Variants in DAPK2 observed in about 807,000 individuals in gnomAD.
DAPK2 encodes the protein death associated protein kinase 2.
DAPK2 carries 35 observed loss-of-function variants against 44.1 expected under a neutral mutation model. That is an observed-to-expected ratio of 0.79 (90% CI 0.61 to 1.05). The LOEUF (loss-of-function observed/expected upper bound fraction) is 1.05, where lower values mean the gene tolerates loss of function less well. DAPK2 is among the 50% of genes least tolerant of loss of function. DAPK2 has a pLI of 0.00. For synonymous variants in DAPK2, 174 were observed against 182.6 expected, an observed-to-expected ratio of 0.95 and a Z score of 0.38; for missense variants, 453 against 483.2, an observed-to-expected ratio of 0.94 and a Z score of 0.59.
intron 3 of DAPK2, among the ~76,000 whole-genome samples, chr15:63,962,189 C>A (rs145389010): frequency 0.026 from 4,024 of 152,290 alleles, 102 homozygotes; most frequent in South Asian, 0.12. Flanking sequence ...GTTTTCAGCT[C>A]CATCAGGTCA....
chr15:64,034,730 A>C (rs926012092), intron 1 of DAPK2, among the ~76,000 whole-genome samples: 1 of 152,172 alleles, frequency 6.6e-6, no homozygotes, highest in Non-Finnish European at 1.5e-5. Flanking sequence ...ACTTCCTCCA[A>C]TGCTTGTTTA....
chr15:64,024,677 C>T (rs2079786201), intron 1 of DAPK2, among the ~76,000 whole-genome samples: 1 of 152,170 alleles, frequency 6.6e-6, no homozygotes, highest in Non-Finnish European at 1.5e-5. Context: ...CTGCCTGGGT[C>T]TCTCCACTGC....
intron 1 of DAPK2, among the ~76,000 whole-genome samples, chr15:64,045,981 C>T (rs1438889816): frequency 6.6e-6 from 1 of 152,222 alleles, no homozygotes; most frequent in African/African-American, 2.4e-5. Flanking sequence ...CTGCCCGTTC[C>T]AGGGGGCCTA....
Position 63,939,418 on chromosome 15 carries a change from G to A in DAPK2, c.454-57C>T, listed in dbSNP as rs889525456. 25 of 1,528,250 alleles carry A rather than the reference G, an allele frequency of 1.6e-5. No individual in the cohort carries two copies. The highest frequency in any genetic ancestry group is 6.1e-5 in the South Asian group (5 of 81,826). The allele number at this position is 1,528,250 out of a possible 1,614,324, so 94.7% of individuals were successfully genotyped here. A position where few individuals can be genotyped will look rare whatever the true frequency, so the allele number is the denominator to read the frequency against. The stretch of plus-strand genomic sequence containing the variant: ...GAAGGAAGAAAAGAAAAAAAAAGAC[G>A]GTAATTAAAGGCTGGTTGGTTCGTG... On this transcript the variant is annotated intron_variant, in intron 3 of 10. Coordinates refer to ENST00000261891, the Ensembl canonical transcript of DAPK2. This position sits in a 1 kb window ranked among gnomAD's most constrained non-coding sequence, Gnocchi z 4.3.
chr15:63,910,470 G>A (rs1050182873), intron 10 of DAPK2, among the ~76,000 whole-genome samples: 1 of 152,240 alleles, frequency 6.6e-6, no homozygotes, highest in Non-Finnish European at 1.5e-5. Context: ...TAAGCGGGGG[G>A]AGGGGCTGTC....
intron 1 of DAPK2, among the ~76,000 whole-genome samples, chr15:63,986,652 G>A (rs551301273): frequency 4.6e-5 from 7 of 152,136 alleles, no homozygotes; most frequent in Non-Finnish European, 7.3e-5. Flanking sequence ...AGCCAGATGT[G>A]AAAATAGCTC....
intron 3 of DAPK2, 152 bp downstream of exon 4, chr15:63,971,271 G>A (rs771458221): frequency 5.2e-5 from 50 of 954,896 alleles, no homozygotes; most frequent in Admixed American, 1.2e-4. Context: ...GGACATTTCC[G>A]TGGCATCATC....
Position 63,929,811 on chromosome 15 carries a change from T to A in DAPK2, c.633-234A>T, listed in dbSNP as rs993412002. 7.5e-6 allele frequency: 5 copies of A among 666,648 alleles called. No individual in the cohort carries two copies. The East Asian group carries it at 1.5e-4, about 19-fold the overall frequency. The allele number at this position is 666,648 out of a possible 1,614,324, so 41.3% of individuals were successfully genotyped here. ...CGAAGACCCAAGTTCAAGATCAGAC[T>A]CCTGCACTTGCAGGCTGTGTGATTT... is the stretch of plus-strand genomic sequence containing the variant. On this transcript the variant is annotated intron_variant, in intron 5 of 10. Transcript: ENST00000261891.
At chr15:64,025,855 G>T (rs2079825138) in intron 1 of DAPK2, among the ~76,000 whole-genome samples, 1 of 152,124 alleles carries the variant, frequency 6.6e-6, no homozygotes, top group African/African-American at 2.4e-5. Context: ...ATATTGCGGG[G>T]GATGGATAAC....
chr15:64,037,865 C>T (rs1356600205), intron 1 of DAPK2, among the ~76,000 whole-genome samples: 2 of 152,150 alleles, frequency 1.3e-5, no homozygotes, highest in African/African-American at 2.4e-5. Flanking sequence ...AGGCCCCTGG[C>T]CCCTAGTCCC....
chr15:63,981,739 G>A (rs995042714), intron 2 of DAPK2, among the ~76,000 whole-genome samples: 1 of 151,968 alleles, frequency 6.6e-6, no homozygotes, highest in Non-Finnish European at 1.5e-5. Context: ...TCTCTGCTGG[G>A]AATCAGGATG....
intron 1 of DAPK2, among the ~76,000 whole-genome samples, chr15:64,027,735 T>A (rs979746187): frequency 2.6e-5 from 4 of 152,040 alleles, no homozygotes; most frequent in African/African-American, 9.7e-5. Context: ...CTAACAAAAA[T>A]ACACAAAAAC....
rs111519003 is a variant in DAPK2 at position 64,024,228 on chromosome 15, G to C, written c.92+15942C>G. On this transcript the variant is annotated intron_variant, in intron 1 of 10. Transcript: ENST00000261891. ...CCTTCAACCAGTCTCAGTGGCAAGG[G>C]AGGGACTCAGAAATGGGCCAGGGTC... 2.7e-3 allele frequency among the ~76,000 whole-genome samples: 406 copies of C among 152,292 alleles called. 1 individual carries two copies. Among genetic ancestry groups the C allele is most frequent in the African/African-American group, 9.3e-3 (385 of 41,572 alleles).
Position 63,983,762 on chromosome 15 carries a change from GAC to G in DAPK2, c.93-10_93-9del, listed in dbSNP as rs1333829356. ...ACGATGGCAAACTGGCCACTGTGGG[GAC>G]ACAGACCCACAAGATTAGGTCATCA... On this transcript the variant is annotated splice_polypyrimidine_tract_variant and intron_variant, in intron 1 of 10. Transcript: ENST00000261891. 6.2e-7 allele frequency: 1 copy of G among 1,608,184 alleles called. No individual in the cohort carries two copies. Among genetic ancestry groups the G allele is most frequent in the African/African-American group, 1.3e-5 (1 of 74,904 alleles).
intron 2 of DAPK2, among the ~76,000 whole-genome samples, chr15:63,982,593 G>C (rs2078552805): frequency 6.6e-6 from 1 of 152,156 alleles, no homozygotes; most frequent in Non-Finnish European, 1.5e-5. Context: ...ACCTGCCCAG[G>C]ACGATACCAG....
chr15:63,985,810 G>A (rs2078653811), intron 1 of DAPK2, among the ~76,000 whole-genome samples: 2 of 152,196 alleles, frequency 1.3e-5, no homozygotes, highest in South Asian at 4.1e-4. Context: ...TCTTATGAGG[G>A]AAACAGTGGC....
intron 6 of DAPK2, among the ~76,000 whole-genome samples, chr15:63,928,639 C>T (rs949378623): frequency 1.3e-5 from 2 of 151,986 alleles, no homozygotes; most frequent in Non-Finnish European, 2.9e-5. Flanking sequence ...ATGAGAAAAA[C>T]AAGCCCAGAG....
At chr15:63,977,502 T>C (rs2078386133) in intron 2 of DAPK2, among the ~76,000 whole-genome samples, 1 of 140,154 alleles carries the variant, frequency 7.1e-6, no homozygotes, top group South Asian at 2.4e-4. Context: ...CTTTTCTTCT[T>C]GTGAAACAGG....
At position 63,923,225 on chromosome 15, in the gene DAPK2, T is replaced by C. The variant is rs2079136338; in HGVS notation, c.858+1591A>G. On this transcript the variant is annotated intron_variant, in intron 8 of 10. Coordinates refer to ENST00000261891, the Ensembl canonical transcript of DAPK2. The surrounding 1 kb of genome is among the most constrained non-coding windows in gnomAD (Gnocchi z 4.2). ...ACAGGCAAAACGCTCGAAGTTGACA[T>C]AGGAGTTGTTGGGAGGCATGCTTGA... 2 of 1,535,702 alleles carry C rather than the reference T, an allele frequency of 1.3e-6. No homozygotes were observed. The highest frequency in any genetic ancestry group is 1.4e-5 in the African/African-American group (1 of 72,976).
Sources: allele counts gnomAD v4.1 joint callset (sites outside exome capture counted in the v4.1 genomes callset), GRCh38; gene constraint gnomAD v4.1.1; non-coding constraint Gnocchi (gnomAD v3.1); transcripts MANE v1.5; gene names NCBI Gene and HGNC (gene_info 2026-07-23, HGNC 2026-07-21).